Variants in KCNH8 observed in about 807,000 individuals in gnomAD.
KCNH8 encodes voltage-gated delayed rectifier potassium channel KCNH8.
Under a neutral mutation model 103.6 loss-of-function variants are expected in KCNH8, and 70 were observed. The observed-to-expected ratio is 0.68, with a 90% CI of 0.56 to 0.82. KCNH8 has a LOEUF of 0.82. Ranked by LOEUF, KCNH8 falls within the 40% of genes least tolerant of loss-of-function variation. The pLI is 0.00. For missense variants in KCNH8, 1,217 were observed against 1,329.9 expected (o/e 0.92, Z 1.32); for synonymous variants, 498 against 489.4 (o/e 1.02, Z -0.23).
At chr3:19,254,130 A>G (rs2064315829) in intron 2 of KCNH8, among the ~76,000 whole-genome samples, 1 of 152,138 alleles carries the variant, frequency 6.6e-6, no homozygotes, top group Non-Finnish European at 1.5e-5. Context: ...ACATATATTA[A>G]CTGAGTTAAT....
chr3:19,215,037 C>T (rs956276730), intron 1 of KCNH8, among the ~76,000 whole-genome samples: 1 of 152,216 alleles, frequency 6.6e-6, no homozygotes, highest in African/African-American at 2.4e-5. Context: ...CTTACACATA[C>T]CCTGCTGTTA....
chr3:19,500,613 C>G (rs954202899), intron 11 of KCNH8, among the ~76,000 whole-genome samples: 1 of 152,132 alleles, frequency 6.6e-6, no homozygotes, highest in Non-Finnish European at 1.5e-5. Flanking sequence ...AACTAGAATT[C>G]AGGATTAAGA....
intron 4 of KCNH8, chr3:19,346,709 C>T (rs1361695982): frequency 2.2e-6 from 1 of 456,242 alleles, no homozygotes; most frequent in South Asian, 1.6e-5. Context: ...ATGAGTGAGA[C>T]AAGAACACAA....
intron 11 of KCNH8, among the ~76,000 whole-genome samples, chr3:19,470,479 G>A (rs1346745939): frequency 1.3e-5 from 2 of 152,208 alleles, no homozygotes; most frequent in Non-Finnish European, 2.9e-5. Flanking sequence ...AATAGGAGCA[G>A]AGTAAGGTGG....
chr3:19,239,705 A>G (rs1402925912), intron 1 of KCNH8, among the ~76,000 whole-genome samples: 1 of 151,224 alleles, frequency 6.6e-6, no homozygotes, highest in African/African-American at 2.4e-5. Flanking sequence ...TATCTATCTA[A>G]GCTGTCTATC....
chr3:19,206,159 G>GGTGTGTGTGTGTGTGTGTGT (rs546354220), intron 1 of KCNH8, among the ~76,000 whole-genome samples: 25 of 138,370 alleles, frequency 1.8e-4, no homozygotes, highest in African/African-American at 7.2e-4. Flanking sequence ...ATATATTAAT[G>GGTGTGTGTGTGTGTGTGTGT]GTGTGTGTGT....
At chr3:19,375,606 C>T (rs201306941) in intron 5 of KCNH8, among the ~76,000 whole-genome samples, 11,669 of 151,958 alleles carry the variant, frequency 0.077, 531 homozygotes, top group East Asian at 0.17. Context: ...TCTCTCAGCT[C>T]GTCAAAGTCA....
chr3:19,439,236 G>A (rs1575068103), intron 8 of KCNH8, among the ~76,000 whole-genome samples: 3 of 151,954 alleles, frequency 2.0e-5, no homozygotes, highest in Non-Finnish European at 2.9e-5. Flanking sequence ...TCAAAAACAG[G>A]AACAAATATT....
intron 11 of KCNH8, among the ~76,000 whole-genome samples, chr3:19,458,124 C>T (rs548855198): frequency 3.3e-5 from 5 of 152,104 alleles, no homozygotes; most frequent in East Asian, 1.9e-4. Context: ...GGTTAAATCA[C>T]GTGTGTATGT....
intron 1 of KCNH8, among the ~76,000 whole-genome samples, chr3:19,246,213 T>C (rs11924973): frequency 0.019 from 2,885 of 151,800 alleles, 80 homozygotes; most frequent in African/African-American, 0.063. Flanking sequence ...AATTAAATTA[T>C]TTTTATTAAA....
At position 19,259,912 on chromosome 3, in the gene KCNH8, A is replaced by G. The variant is rs2064406833; in HGVS notation, c.310+6025A>G. ...TTTACAAGCTGGATATGTATGAAGC[A>G]AATCTCAAACTGACCTAAGCTGTTG... is the stretch of plus-strand genomic sequence containing the variant. On this transcript the variant is annotated intron_variant, in intron 2 of 15. Coordinates refer to ENST00000328405, the MANE Select transcript of KCNH8 (RefSeq NM_144633.3). Among the ~76,000 whole-genome samples the G allele has an allele frequency of 2.0e-5, 3 of 151,862 alleles. No homozygotes were observed. The Admixed American group carries it at 2.0e-4, about 10-fold the overall frequency.
chr3:19,530,663 T>C (rs1311910385), intron 15 of KCNH8, among the ~76,000 whole-genome samples: 1 of 152,238 alleles, frequency 6.6e-6, no homozygotes, highest in Non-Finnish European at 1.5e-5. Context: ...ATTTACTTAA[T>C]GTTGAATTAA....
At position 19,408,709 on chromosome 3, in the gene KCNH8, C is replaced by A. The variant is rs576599704; in HGVS notation, c.1177+13398C>A. Among the ~76,000 whole-genome samples the A allele has an allele frequency of 2.6e-4, 39 of 152,070 alleles. No homozygotes were observed. In the South Asian group the frequency reaches 7.9e-3, roughly 31 times the overall value. On this transcript the variant is annotated intron_variant, in intron 7 of 15. Coordinates refer to ENST00000328405, the MANE Select transcript of KCNH8 (RefSeq NM_144633.3). ...GGAATTGAAAAACTCACTTAAGGAA[C>A]CTCAAAATACAGTTGAAGATCTTAT... is the stretch of plus-strand genomic sequence containing the variant.
At chr3:19,319,352 G>A (rs780503613) in intron 3 of KCNH8, among the ~76,000 whole-genome samples, 2 of 152,020 alleles carry the variant, frequency 1.3e-5, no homozygotes, top group Non-Finnish European at 2.9e-5. Flanking sequence ...TAAGGTAACA[G>A]AAGAGCATCC....
intron 1 of KCNH8, among the ~76,000 whole-genome samples, chr3:19,237,193 GGTGTTTTC>G (rs1413010004): frequency 6.6e-6 from 1 of 152,128 alleles, no homozygotes; most frequent in Non-Finnish European, 1.5e-5. Context: ...GTTTTTAATT[GGTGTTTTC>G]GTTGTTGAGT....
At chr3:19,362,029 T>C (rs1444782097) in intron 5 of KCNH8, among the ~76,000 whole-genome samples, 1 of 152,148 alleles carries the variant, frequency 6.6e-6, no homozygotes, top group Non-Finnish European at 1.5e-5. Flanking sequence ...TGTGAGAATT[T>C]GGTGAGGTAA....
intron 8 of KCNH8, among the ~76,000 whole-genome samples, chr3:19,445,758 C>T (rs75621230): frequency 0.014 from 2,062 of 151,954 alleles, 46 homozygotes; most frequent in African/African-American, 0.045. Flanking sequence ...TGGGGCTGGA[C>T]TATTTATCAT....
At chr3:19,228,279 G>A (rs180727076) in intron 1 of KCNH8, among the ~76,000 whole-genome samples, 3 of 152,290 alleles carry the variant, frequency 2.0e-5, no homozygotes, top group Admixed American at 2.0e-4. Context: ...TGAATGTTGA[G>A]TATTTGTGAC....
chr3:19,326,382 T>TATATATATAA (rs879457927), intron 3 of KCNH8, among the ~76,000 whole-genome samples: 5 of 142,550 alleles, frequency 3.5e-5, no homozygotes, highest in African/African-American at 1.3e-4. Flanking sequence ...TATATATATA[T>TATATATATAA]AATAAATGAT....
Sources: allele counts gnomAD v4.1 joint callset (sites outside exome capture counted in the v4.1 genomes callset), GRCh38; gene constraint gnomAD v4.1.1; transcripts MANE v1.5; gene names NCBI Gene and HGNC (gene_info 2026-07-23, HGNC 2026-07-21).